SNTG1: variants seen among roughly 807,000 people sequenced by gnomAD.
The protein encoded by SNTG1 is syntrophin gamma 1, also known as gamma-1-syntrophin.
Under a neutral mutation model 74.7 loss-of-function variants are expected in SNTG1, and 39 were observed. That is an observed-to-expected ratio of 0.52 (90% CI 0.40 to 0.68). The LOEUF is 0.68. Ranked by LOEUF, SNTG1 falls within the 30% of genes least tolerant of loss-of-function variation. The pLI is 0.00. For synonymous variants in SNTG1, 254 were observed against 217.1 expected, an observed-to-expected ratio of 1.17 and a Z score of -1.49; for missense variants, 685 against 609.5, an observed-to-expected ratio of 1.12 and a Z score of -1.30.
intron 2 of SNTG1, among the ~76,000 whole-genome samples, chr8:50,369,352 C>A (rs1218432751): frequency 2.0e-5 from 3 of 152,082 alleles, no homozygotes; most frequent in African/African-American, 7.2e-5. Flanking sequence ...ATCCCAGCAA[C>A]TTGGGAGGCC....
At chr8:50,319,088 A>G (rs919821292) in intron 2 of SNTG1, among the ~76,000 whole-genome samples, 2 of 152,030 alleles carry the variant, frequency 1.3e-5, no homozygotes, top group African/African-American at 4.8e-5. Context: ...TATTTCTTCT[A>G]TTTGTTTACC....
chr8:50,702,347 T>C (rs1173779032), intron 15 of SNTG1, among the ~76,000 whole-genome samples: 1 of 152,118 alleles, frequency 6.6e-6, no homozygotes. Context: ...AGTAGGAAAA[T>C]CAATAAGCAC....
rs1179594294 is a variant in SNTG1 at position 50,071,886 on chromosome 8, T to TAG, written c.-102-100671_-102-100670dup. Among the ~76,000 whole-genome samples the TAG allele has an allele frequency of 3.3e-5, 5 of 151,428 alleles. No individual in the cohort carries two copies. The South Asian group carries it at 1.0e-3, about 32-fold the overall frequency. ...CAGTTGATACATTTTTGCCATCCAA[T>TAG]AGAGATAAGCATCAGGAATAAAATA... On this transcript the variant is annotated intron_variant, in intron 1 of 18. Transcript: ENST00000642720.
intron 2 of SNTG1, among the ~76,000 whole-genome samples, chr8:50,222,745 C>A (rs546383797): frequency 6.6e-6 from 1 of 152,224 alleles, no homozygotes; most frequent in East Asian, 1.9e-4. Flanking sequence ...GCGGGGATTG[C>A]TTCTCAGCCT....
At chr8:50,671,550 G>A (rs928948343) in intron 15 of SNTG1, among the ~76,000 whole-genome samples, 9 of 152,134 alleles carry the variant, frequency 5.9e-5, no homozygotes, top group African/African-American at 1.7e-4. Flanking sequence ...AACAACAGGT[G>A]CTGGAGAGGA....
At chr8:50,616,059 C>A (rs1191888439) in intron 13 of SNTG1, among the ~76,000 whole-genome samples, 1 of 152,222 alleles carries the variant, frequency 6.6e-6, no homozygotes, top group Non-Finnish European at 1.5e-5. Flanking sequence ...TTTGCTCTTA[C>A]AACCTTTATG....
intron 2 of SNTG1, among the ~76,000 whole-genome samples, chr8:50,284,266 T>G (rs934455567): frequency 2.7e-5 from 4 of 150,366 alleles, no homozygotes; most frequent in Non-Finnish European, 5.9e-5. Context: ...CATAAGATGT[T>G]TTTCTTATGA....
intron 1 of SNTG1, among the ~76,000 whole-genome samples, chr8:49,986,613 C>T (rs1333438488): frequency 1.3e-5 from 2 of 151,794 alleles, no homozygotes; most frequent in Non-Finnish European, 2.9e-5. Flanking sequence ...TGGTTCATGC[C>T]TGTAATCCCA....
chr8:50,440,819 T>TA (rs2131579942), intron 5 of SNTG1, among the ~76,000 whole-genome samples: 1 of 152,308 alleles, frequency 6.6e-6, no homozygotes, highest in South Asian at 2.1e-4. Context: ...CCAATGTAGT[T>TA]AAGACTCCTA....
intron 1 of SNTG1, among the ~76,000 whole-genome samples, chr8:49,922,840 C>A (rs545379683): frequency 6.6e-6 from 1 of 152,168 alleles, no homozygotes; most frequent in Admixed American, 6.5e-5. Flanking sequence ...TAATTTATTT[C>A]TGTCAACTAA....
intron 8 of SNTG1, among the ~76,000 whole-genome samples, chr8:50,469,078 T>C (rs1399360143): frequency 1.3e-5 from 2 of 152,212 alleles, no homozygotes; most frequent in East Asian, 1.9e-4. Context: ...TATTCTTTCA[T>C]TGGCATTCTC....
chr8:50,227,259 T>A (rs1209623328), intron 2 of SNTG1, among the ~76,000 whole-genome samples: 1 of 152,078 alleles, frequency 6.6e-6, no homozygotes, highest in Non-Finnish European at 1.5e-5. Context: ...AGGCAAAGTG[T>A]AGAATAGCAT....
chr8:50,183,131 C>T (rs957663622), intron 2 of SNTG1, among the ~76,000 whole-genome samples: 9 of 152,136 alleles, frequency 5.9e-5, no homozygotes, highest in Admixed American at 3.3e-4. Flanking sequence ...AACCACTACT[C>T]CTTTGCTAGG....
Position 50,037,720 on chromosome 8 carries a change from C to T in SNTG1, c.-103+125489C>T, listed in dbSNP as rs145685174. ...ATTAATTATCTTGTCAAGTTACAAACATTGGGCTAGTTATCAAATCTCAGG... is the reference window on the plus strand; with the variant it reads ...ATTAATTATCTTGTCAAGTTACAAATATTGGGCTAGTTATCAAATCTCAGG... On this transcript the variant is annotated intron_variant, in intron 1 of 18. Transcript: ENST00000642720. Among the ~76,000 whole-genome samples, 550 of 152,282 alleles carry T rather than the reference C, an allele frequency of 3.6e-3. 2 individuals carry two copies. The highest frequency in any genetic ancestry group is 0.02 in the Middle Eastern group (6 of 294).
intron 1 of SNTG1, among the ~76,000 whole-genome samples, chr8:49,986,803 C>T (rs1410170285): frequency 6.6e-6 from 1 of 151,876 alleles, no homozygotes; most frequent in Non-Finnish European, 1.5e-5. Flanking sequence ...GTCACATGAA[C>T]CCAGGAAGTC....
intron 1 of SNTG1, among the ~76,000 whole-genome samples, chr8:50,084,673 G>C (rs912443856): frequency 6.6e-6 from 1 of 152,134 alleles, no homozygotes; most frequent in Non-Finnish European, 1.5e-5. Flanking sequence ...TGGCTTAAAT[G>C]TCTCTGAAAA....
intron 8 of SNTG1, among the ~76,000 whole-genome samples, chr8:50,467,545 TC>T: frequency 6.6e-6 from 1 of 152,016 alleles, no homozygotes; most frequent in Middle Eastern, 3.4e-3. Flanking sequence ...TTGGTGAGTT[TC>T]CTAGCAATTT....
intron 9 of SNTG1, among the ~76,000 whole-genome samples, chr8:50,506,612 GT>G (rs1022356387): frequency 1.3e-5 from 2 of 151,812 alleles, no homozygotes; most frequent in African/African-American, 2.4e-5. Flanking sequence ...CAATAAAATT[GT>G]TTTTTTATTG....
At chr8:50,642,753 G>A (rs1333567524) in intron 13 of SNTG1, among the ~76,000 whole-genome samples, 3 of 151,802 alleles carry the variant, frequency 2.0e-5, no homozygotes, top group Non-Finnish European at 4.4e-5. Flanking sequence ...TCTTTTCCTT[G>A]ATTTATTTAT....
Sources: gnomAD v4.1 joint callset for allele counts (sites outside exome capture counted in the v4.1 genomes callset) on GRCh38, gnomAD v4.1.1 for gene constraint, MANE v1.5 for transcripts, NCBI Gene and HGNC (gene_info 2026-07-23, HGNC 2026-07-21) for gene names.